The following PFN1 variants were observed in gnomAD, a reference collection of about 807,000 sequenced individuals.
The protein encoded by PFN1 is profilin-1.
In PFN1, 2 loss-of-function variants were observed where a neutral mutation model predicts 11.7. The ratio of observed to expected loss-of-function variants is 0.17; its 90% CI spans 0.07 to 0.54. The LOEUF (loss-of-function observed/expected upper bound fraction) is 0.54. PFN1 is among the 20% of genes least tolerant of loss of function. The probability of loss-of-function intolerance (pLI) is 0.94; values close to 1 mark genes in which losing one functional copy is unlikely to be tolerated. For missense variants in PFN1, 97 were observed against 188.4 expected, an observed-to-expected ratio of 0.51 and a Z score of 2.84; for synonymous variants, 78 against 76.2, an observed-to-expected ratio of 1.02 and a Z score of -0.12.
chr17:4,946,083 T>G, intron 2 of PFN1, 86 bp from the exon 3 acceptor site: 1 of 1,007,962 alleles, frequency 9.9e-7, no homozygotes, highest in Non-Finnish European at 1.6e-6. Context: ...TGTCCAGCCC[T>G]GGGGGCTGTA....
chr17:4,946,137 G>T (rs1314034005), intron 2 of PFN1, 140 bp from the exon 3 acceptor site: 4 of 621,662 alleles, frequency 6.4e-6, no homozygotes, highest in South Asian at 5.6e-5. Context: ...CCACACACAG[G>T]CAGGCTGTCA....
At position 4,948,471 on chromosome 17, in the gene PFN1, G is replaced by A. The variant is rs1448762617; in HGVS notation, c.-77C>T. 2.8e-6 allele frequency: 4 copies of A among 1,442,854 alleles called. No homozygotes were observed. Among genetic ancestry groups the A allele is most frequent in the Non-Finnish European group, 2.7e-6 (3 of 1,100,338 alleles). 89.4% of individuals were successfully genotyped at this position (1,442,854 alleles called of 1,614,324 possible). On this transcript the variant is annotated 5_prime_UTR_variant, in exon 1 of 3. Coordinates refer to ENST00000225655, the MANE Select transcript of PFN1 (RefSeq NM_005022.4). ...GCTCGAGCTGCCTCGGCTGGCGGGC[G>A]GGGGGAGGCGGAGAGCTCGGGGCAC...
rs1041588121 is a variant in PFN1, at chr17:4,945,833, G to T, written c.*67C>A. On this transcript the variant is annotated 3_prime_UTR_variant, in exon 3 of 3. Transcript: ENST00000225655. Reference sequence around the variant, plus strand: ...AATGGCCCAAAAAATAAAATGGTTTGTGTGTGTATGGGGAGGAAAGGGGTG... The same window carrying T: ...AATGGCCCAAAAAATAAAATGGTTTTTGTGTGTATGGGGAGGAAAGGGGTG... 8.6e-6 allele frequency: 9 copies of T among 1,046,740 alleles called. No individual in the cohort carries two copies. In the African/African-American group the frequency reaches 9.4e-5, roughly 11 times the overall value. 64.8% of individuals were successfully genotyped at this position (1,046,740 alleles called of 1,614,324 possible).
In PFN1 at chr17:4,947,669, G is replaced by A. The variant is rs558605085; in HGVS notation, c.132+594C>T. 5.9e-5 allele frequency among the ~76,000 whole-genome samples: 9 copies of A among 152,316 alleles called. No individual in the cohort carries two copies. In the South Asian group the frequency reaches 1.0e-3, roughly 18 times the overall value. ...GCCCCGCCGGATGGCGGGAAGGGAG[G>A]GCGAGGGGACTTCCGGGATTGGCCT... On this transcript the variant is annotated intron_variant, in intron 1 of 2. Coordinates refer to ENST00000225655, the MANE Select transcript of PFN1 (RefSeq NM_005022.4).
intron 1 of PFN1, among the ~76,000 whole-genome samples, chr17:4,947,643 G>A (rs1035660776): frequency 6.6e-6 from 1 of 152,248 alleles, no homozygotes; most frequent in South Asian, 2.1e-4. Flanking sequence ...CCCTGCTCCA[G>A]GCCCCGCCGG....
chr17:4,946,309 A>G (rs1403591114), intron 2 of PFN1, among the ~76,000 whole-genome samples: 1 of 152,220 alleles, frequency 6.6e-6, no homozygotes. Flanking sequence ...GGTTCTAACA[A>G]AAGAACTCAA....
chr17:4,946,493 A>G (rs1971398162), intron 2 of PFN1, 135 bp downstream of exon 2: 2 of 668,066 alleles, frequency 3.0e-6, no homozygotes, highest in Admixed American at 3.0e-5. Flanking sequence ...TCCAGCATCC[A>G]GCAGACAAGG....
intron 1 of PFN1, chr17:4,947,079 G>C (rs961223020): frequency 3.0e-6 from 1 of 331,882 alleles, no homozygotes; most frequent in African/African-American, 2.1e-5. Flanking sequence ...TAGAGATTTA[G>C]ATGTCAGTGT....
intron 2 of PFN1, among the ~76,000 whole-genome samples, 193 bp downstream of exon 2, chr17:4,946,435 G>A (rs934262103): frequency 6.6e-6 from 1 of 152,188 alleles, no homozygotes; most frequent in Non-Finnish European, 1.5e-5. Flanking sequence ...CAGCAACTTC[G>A]AATTACAAGA....
intron 2 of PFN1, among the ~76,000 whole-genome samples, chr17:4,946,215 T>C (rs1971388401): frequency 6.8e-6 from 1 of 146,796 alleles, no homozygotes; most frequent in South Asian, 2.2e-4. Context: ...AGGAACAGAC[T>C]AAAAACTTAG....
In PFN1 at chr17:4,948,486, G is replaced by C; in HGVS notation, c.-92C>G. On this transcript the variant is annotated 5_prime_UTR_variant, in exon 1 of 3. Coordinates refer to ENST00000225655, the MANE Select transcript of PFN1 (RefSeq NM_005022.4). ...GCTGGCGGGCGGGGGGAGGCGGAGA[G>C]CTCGGGGCACGCGCTGCCGTCCGGA... 5 of 1,387,018 alleles carry C rather than the reference G, an allele frequency of 3.6e-6. No homozygotes were observed. The highest frequency in any genetic ancestry group is 4.7e-6 in the Non-Finnish European group (5 of 1,063,324). The allele number at this position is 1,387,018 out of a possible 1,614,324, so 85.9% of individuals were successfully genotyped here. A position where few individuals can be genotyped will look rare whatever the true frequency, so the allele number is the denominator to read the frequency against.
In PFN1 at chr17:4,948,505, G is replaced by T. The variant is rs1375646988; in HGVS notation, c.-111C>A. ...CGGAGAGCTCGGGGCACGCGCTGCCGTCCGGACCGCGGCTCCGCTCGCTGT... is the reference window on the plus strand; with the variant it reads ...CGGAGAGCTCGGGGCACGCGCTGCCTTCCGGACCGCGGCTCCGCTCGCTGT... On this transcript the variant is annotated 5_prime_UTR_variant, in exon 1 of 3. Coordinates refer to ENST00000225655, the MANE Select transcript of PFN1 (RefSeq NM_005022.4). The T allele has an allele frequency of 2.4e-6, 3 of 1,241,262 alleles. No individual in the cohort carries two copies. Among genetic ancestry groups the T allele is most frequent in the Non-Finnish European group, 3.2e-6 (3 of 946,252 alleles). The allele number at this position is 1,241,262 out of a possible 1,614,324, so 76.9% of individuals were successfully genotyped here.
intron 2 of PFN1, 37 bp from the exon 3 acceptor site, chr17:4,946,034 A>G (rs1567665270): frequency 3.4e-6 from 5 of 1,484,544 alleles, no homozygotes; most frequent in Non-Finnish European, 4.7e-6. Flanking sequence ...GCTAGGATCC[A>G]GGTGTCACAA....
chr17:4,948,284 C>T lies in PFN1; in HGVS notation c.111G>A (p.Gly37=), dbSNP rs772582282. 3.1e-6 allele frequency: 5 copies of T among 1,607,840 alleles called. No individual in the cohort carries two copies. The Admixed American group carries it at 6.7e-5, about 22-fold the overall frequency. ...GTACCGTGATGTTGACGAACGTTTT[C>T]CCGGGGACGGCGGCCCAGACGGAGG... ...DSPSVWAAVP[G]KTFVNITPAE... The change falls in exon 1 of 3, where the codon GGG becomes GGA. Residue 37 remains glycine (G), a synonymous_variant. Transcript: ENST00000225655.
intron 1 of PFN1, among the ~76,000 whole-genome samples, chr17:4,947,884 T>TG (rs1481462501): frequency 6.6e-6 from 1 of 152,136 alleles, no homozygotes; most frequent in African/African-American, 2.4e-5. Flanking sequence ...GACGGGGAGC[T>TG]GGGGGTCCAA....
intron 2 of PFN1, among the ~76,000 whole-genome samples, chr17:4,946,391 C>T (rs1191691526): frequency 6.6e-6 from 1 of 152,170 alleles, no homozygotes; most frequent in Non-Finnish European, 1.5e-5. Flanking sequence ...AATCCGAGCT[C>T]AAGGCAGTAA....
At position 4,945,913 on chromosome 17, in the gene PFN1, C is replaced by T. The variant is rs1234955914; in HGVS notation, c.410G>A (p.Arg137His). The T allele has an allele frequency of 2.5e-6, 4 of 1,604,582 alleles. No individual in the cohort carries two copies. The highest frequency in any genetic ancestry group is 4.5e-5 in the East Asian group (2 of 44,814). ...GGACAGACGAGGTCAGTACTGGGAA[C>T]GCCGAAGGTGGGAGGCCATTTCATA... ...KCYEMASHLR[R>H]SQY is the part of the protein sequence containing the mutation. Residue 137 changes from arginine to histidine, a missense_variant, in exon 3 of 3, where the codon CGT (arginine) becomes CAT (histidine). Coordinates refer to ENST00000225655, the MANE Select transcript of PFN1 (RefSeq NM_005022.4).
intron 1 of PFN1, chr17:4,947,248 G>C (rs1971419583): frequency 6.5e-6 from 1 of 153,030 alleles, no homozygotes; most frequent in African/African-American, 2.4e-5. Flanking sequence ...TTTGGTCAAA[G>C]GTTCTGCAGG....
At chr17:4,946,127 C>T (rs1390367878) in intron 2 of PFN1, 130 bp from the exon 3 acceptor site, 7 of 649,366 alleles carry the variant, frequency 1.1e-5, no homozygotes, top group Non-Finnish European at 2.0e-5. Flanking sequence ...CGCCCCCCCA[C>T]CACACACAGG....
Sources: gnomAD v4.1 joint callset for allele counts (sites outside exome capture counted in the v4.1 genomes callset) on GRCh38, gnomAD v4.1.1 for gene constraint, MANE v1.5 for transcripts, NCBI Gene and HGNC (gene_info 2026-07-23, HGNC 2026-07-21) for gene names.